The following CBX7 variants were observed in gnomAD, a reference collection of about 807,000 sequenced individuals.
The protein encoded by CBX7 is chromobox 7.
CBX7 carries 14 observed loss-of-function variants against 31.4 expected under a neutral mutation model. The ratio of observed to expected loss-of-function variants is 0.45; its 90% CI spans 0.29 to 0.70. The LOEUF is 0.70. CBX7 is among the 30% of genes least tolerant of loss of function. CBX7 has a pLI of 0.11. For synonymous variants in CBX7, 159 were observed against 152.6 expected (o/e 1.04, Z -0.31); for missense variants, 269 against 351.9 (o/e 0.76, Z 1.89).
chr22:39,143,656 C>T (rs1184227661), intron 2 of CBX7, among the ~76,000 whole-genome samples: 2 of 152,210 alleles, frequency 1.3e-5, no homozygotes, highest in South Asian at 4.1e-4. Context: ...AGAGCAACTT[C>T]CAGCCCCGCA....
chr22:39,131,658 A>C lies in CBX7; in HGVS notation c.*2233T>G, dbSNP rs1930044915. The C allele has an allele frequency of 6.6e-6, 1 of 152,258 alleles. No homozygotes were observed. The highest frequency in any genetic ancestry group is 2.1e-4 in the South Asian group (1 of 4,826). 9.4% of individuals were successfully genotyped at this position (152,258 alleles called of 1,614,324 possible). On this transcript the variant is annotated 3_prime_UTR_variant, in exon 6 of 6. Coordinates refer to ENST00000216133, the MANE Select transcript of CBX7 (RefSeq NM_175709.5). The stretch of plus-strand genomic sequence containing the variant: ...GGGCCATAAAGGGCTGAGTAAGAGG[A>C]AAGATGTGTCCTGCTGCTGCAGACA...
In CBX7 at chr22:39,138,533, G is replaced by C. The variant is rs1230495045; in HGVS notation, c.246+103C>G. ...AGTGCCCTGGGTGGTACAGGCGAGGGGACACAGATCAGCTCAATCAGCCAG... is the reference window on the plus strand; with the variant it reads ...AGTGCCCTGGGTGGTACAGGCGAGGCGACACAGATCAGCTCAATCAGCCAG... On this transcript the variant is annotated intron_variant, in intron 4 of 5. Coordinates refer to ENST00000216133, the MANE Select transcript of CBX7 (RefSeq NM_175709.5). 6.5e-6 allele frequency: 7 copies of C among 1,083,402 alleles called. No individual in the cohort carries two copies. The East Asian group carries it at 1.4e-4, about 22-fold the overall frequency. The allele number at this position is 1,083,402 out of a possible 1,614,324, so 67.1% of individuals were successfully genotyped here.
intron 2 of CBX7, among the ~76,000 whole-genome samples, chr22:39,142,150 A>T (rs1441029339): frequency 6.6e-6 from 1 of 152,142 alleles, no homozygotes; most frequent in Non-Finnish European, 1.5e-5. Context: ...CAACTTCCTG[A>T]ACAGCTCTGT....
In CBX7 at chr22:39,131,491, C is replaced by T. The variant is rs111516725; in HGVS notation, c.*2400G>A. Reference sequence around the variant, plus strand: ...CACCTGTCCTGGAGGATGGTCCTAACGGCCCACAGCCTTTTCCCCCAGGGA... The same window carrying T: ...CACCTGTCCTGGAGGATGGTCCTAATGGCCCACAGCCTTTTCCCCCAGGGA... On this transcript the variant is annotated 3_prime_UTR_variant, in exon 6 of 6. Transcript: ENST00000216133. 647 of 152,748 alleles carry T rather than the reference C, an allele frequency of 4.2e-3. 3 individuals are homozygous for T. Among genetic ancestry groups the T allele is most frequent in the Non-Finnish European group, 7.3e-3 (498 of 68,100 alleles). The allele number at this position is 152,748 out of a possible 1,614,324, so 9.5% of individuals were successfully genotyped here.
intron 3 of CBX7, 87 bp downstream of exon 3, chr22:39,141,284 A>G: frequency 8.0e-7 from 1 of 1,247,438 alleles, no homozygotes; most frequent in South Asian, 1.3e-5. Flanking sequence ...GCCCTGCCCC[A>G]ACAACCCCTG....
At chr22:39,140,613 C>G (rs1407679445) in intron 3 of CBX7, among the ~76,000 whole-genome samples, 1 of 152,186 alleles carries the variant, frequency 6.6e-6, no homozygotes, top group Admixed American at 6.5e-5. Flanking sequence ...AAACAAAACC[C>G]TCATTCCTGC....
At chr22:39,145,855 C>T (rs554978345) in intron 2 of CBX7, among the ~76,000 whole-genome samples, 5 of 151,952 alleles carry the variant, frequency 3.3e-5, no homozygotes, top group African/African-American at 1.2e-4. Flanking sequence ...CCGCGCAGGG[C>T]TCGCCCTGCT....
chr22:39,133,627 C>G lies in CBX7; in HGVS notation c.*264G>C, dbSNP rs558104881. The G allele has an allele frequency of 5.8e-6, 2 of 343,688 alleles. No homozygotes were observed. Among genetic ancestry groups the G allele is most frequent in the South Asian group, 6.5e-5 (1 of 15,276 alleles). The allele number at this position is 343,688 out of a possible 1,614,324, so 21.3% of individuals were successfully genotyped here. A position where few individuals can be genotyped will look rare whatever the true frequency, so the allele number is the denominator to read the frequency against. ...GAGGAGAATGATAATGGTGGTGTCC[C>G]GGGCAGGTGATCCTGTCCCCATCCT... On this transcript the variant is annotated 3_prime_UTR_variant, in exon 6 of 6. Coordinates refer to ENST00000216133, the MANE Select transcript of CBX7 (RefSeq NM_175709.5).
intron 2 of CBX7, among the ~76,000 whole-genome samples, chr22:39,145,528 C>T (rs1930617152): frequency 6.6e-6 from 1 of 152,116 alleles, no homozygotes; most frequent in Non-Finnish European, 1.5e-5. Context: ...TGGGGACACG[C>T]TCGTTGCCTG....
chr22:39,142,393 G>A (rs1404580869), intron 2 of CBX7, among the ~76,000 whole-genome samples: 1 of 152,174 alleles, frequency 6.6e-6, no homozygotes, highest in Non-Finnish European at 1.5e-5. Flanking sequence ...TTGTCTCTGG[G>A]CCTGGTACAC....
intron 1 of CBX7, among the ~76,000 whole-genome samples, chr22:39,151,343 C>T (rs561899755): frequency 1.1e-4 from 17 of 152,286 alleles, no homozygotes; most frequent in African/African-American, 4.1e-4. Flanking sequence ...CACCCTTGGC[C>T]CGAGATGCCA....
intron 3 of CBX7, among the ~76,000 whole-genome samples, chr22:39,139,884 C>G (rs575932158): frequency 3.3e-5 from 5 of 151,688 alleles, no homozygotes; most frequent in Non-Finnish European, 7.4e-5. Context: ...GAGCCAAGAT[C>G]GCACCACTGC....
rs781621178 is a variant in CBX7, at chr22:39,134,637, C to G, written c.362G>C (p.Gly121Ala). 6.3e-7 allele frequency: 1 copy of G among 1,585,522 alleles called. No homozygotes were observed. Among genetic ancestry groups the G allele is most frequent in the Non-Finnish European group, 8.6e-7 (1 of 1,165,624 alleles). ...GCCCTTGTCCACCAGCTCAGGTGCC[C>G]CCGCCTTGACCACCCCCTCAGGGCT... is the stretch of plus-strand genomic sequence containing the variant. ...SGSPEGVVKA[G>A]APELVDKGPL... Residue 121 changes from glycine to alanine, a missense_variant, in exon 5 of 6, where the codon GGG (glycine) becomes GCG (alanine). By Grantham distance (60) the Gly-to-Ala change is moderately conservative (BLOSUM62 0). This residue lies in a region of CBX7 where 222 missense variants were observed against 240.4 expected (regional missense o/e 0.92). Coordinates refer to ENST00000216133, the MANE Select transcript of CBX7 (RefSeq NM_175709.5).
intron 2 of CBX7, chr22:39,149,071 T>A (rs1569112620): frequency 6.6e-6 from 1 of 152,076 alleles, no homozygotes; most frequent in Non-Finnish European, 1.5e-5. Context: ...AGGGCATTGG[T>A]GGGTTCCTGA....
At chr22:39,134,348 G>T in intron 5 of CBX7, 53 bp downstream of exon 5, 6 of 1,419,530 alleles carry the variant, frequency 4.2e-6, no homozygotes, top group Non-Finnish European at 5.7e-6. Context: ...TGGACCTTAT[G>T]ACCCATAGGG....
rs1930553845 is a variant in CBX7 at position 39,144,036 on chromosome 22, T to G, written c.114-2600A>C. Among the ~76,000 whole-genome samples the G allele has an allele frequency of 2.6e-5, 4 of 152,292 alleles. No homozygotes were observed. The South Asian group carries it at 8.3e-4, about 32-fold the overall frequency. ...AAGGCAATGGGCGTTAGCGAGGGGTTAAAAGGCAGAAAGAGCCTGGGAGAG... is the reference window on the plus strand; with the variant it reads ...AAGGCAATGGGCGTTAGCGAGGGGTGAAAAGGCAGAAAGAGCCTGGGAGAG... On this transcript the variant is annotated intron_variant, in intron 2 of 5. Coordinates refer to ENST00000216133, the MANE Select transcript of CBX7 (RefSeq NM_175709.5).
chr22:39,152,340 A>G lies in CBX7; in HGVS notation c.69+36T>C. ...CGGTGCTGGGGACGGGAGGGACCCC[A>G]CTGGGGTCCTGGGAGCCGCCCCCGG... On this transcript the variant is annotated intron_variant, in intron 1 of 5. Transcript: ENST00000216133. The surrounding 1 kb of genome is among the most constrained non-coding windows in gnomAD (Gnocchi z 4.9). The G allele has an allele frequency of 7.5e-7, 1 of 1,340,532 alleles. No individual in the cohort carries two copies. Among genetic ancestry groups the G allele is most frequent in the South Asian group, 1.6e-5 (1 of 60,666 alleles). The allele number at this position is 1,340,532 out of a possible 1,614,324, so 83.0% of individuals were successfully genotyped here.
At chr22:39,149,297 A>G (rs149769752) in intron 2 of CBX7, 52 of 157,560 alleles carry the variant, frequency 3.3e-4, no homozygotes, top group Middle Eastern at 3.2e-3. Context: ...GCGCCTGATC[A>G]CACCTACCTT....
intron 3 of CBX7, among the ~76,000 whole-genome samples, chr22:39,139,816 A>C (rs1930391356): frequency 6.7e-6 from 1 of 149,616 alleles, no homozygotes; most frequent in Non-Finnish European, 1.5e-5. Context: ...TGTAGTCCCA[A>C]CTATTCAGGA....
Sources: allele counts gnomAD v4.1 joint callset (sites outside exome capture counted in the v4.1 genomes callset), GRCh38; gene constraint gnomAD v4.1.1; regional missense constraint gnomAD v4.1.1; non-coding constraint Gnocchi (gnomAD v3.1); transcripts MANE v1.5; gene names NCBI Gene and HGNC (gene_info 2026-07-23, HGNC 2026-07-21).